Variants in ACACA observed in about 807,000 individuals in gnomAD.
The protein encoded by ACACA is acetyl-CoA carboxylase 1.
Under a neutral mutation model 296.1 loss-of-function variants are expected in ACACA, and 103 were observed. That is an observed-to-expected ratio of 0.35 (90% CI 0.30 to 0.41). The LOEUF (loss-of-function observed/expected upper bound fraction) is 0.41, where lower values mean the gene tolerates loss of function less well. Ranked by LOEUF, ACACA falls within the 10% of genes least tolerant of loss-of-function variation. ACACA has a pLI of 1.00. For missense variants in ACACA, 1,554 were observed against 2,989.7 expected, an observed-to-expected ratio of 0.52 and a Z score of 11.20; for synonymous variants, 953 against 1,038.6, an observed-to-expected ratio of 0.92 and a Z score of 1.58.
At chr17:37,283,747 A>AG (rs1185589413) in intron 4 of ACACA, among the ~76,000 whole-genome samples, 4 of 152,250 alleles carry the variant, frequency 2.6e-5, no homozygotes, top group Non-Finnish European at 4.4e-5. Flanking sequence ...TTATGAAATC[A>AG]GGAATGGGGG....
At chr17:37,348,160 A>G (rs1030675545) in intron 1 of ACACA, among the ~76,000 whole-genome samples, 3 of 152,112 alleles carry the variant, frequency 2.0e-5, no homozygotes, top group Non-Finnish European at 4.4e-5. Flanking sequence ...CTCAAAAAAA[A>G]AAAAAAAATT....
At chr17:37,400,871 C>T (rs926309343) in intron 1 of ACACA, among the ~76,000 whole-genome samples, 1 of 152,168 alleles carries the variant, frequency 6.6e-6, no homozygotes, top group East Asian at 1.9e-4. Flanking sequence ...AGTACAGATA[C>T]CTTGACATGC....
At chr17:37,230,387 AAAATAAAT>A (rs200006134) in intron 25 of ACACA, among the ~76,000 whole-genome samples, 4,781 of 144,338 alleles carry the variant, frequency 0.033, 155 homozygotes, top group East Asian at 0.11. Flanking sequence ...TCCATCTCAA[AAAATAAAT>A]AAATAAATAA....
chr17:37,101,086 G>GAAAAAAAAAAAAA (rs769214258), intron 52 of ACACA, among the ~76,000 whole-genome samples: 1 of 56,372 alleles, frequency 1.8e-5, no homozygotes. Context: ...GACTGTCTCA[G>GAAAAAAAAAAAAA]AAAAAAAAAA....
At chr17:37,205,729 G>A (rs761291650) in intron 33 of ACACA, 36 bp downstream of exon 33, 7 of 1,481,804 alleles carry the variant, frequency 4.7e-6, no homozygotes, top group Non-Finnish European at 6.6e-6. Flanking sequence ...CAGTAGAAAG[G>A]GGACATCACG....
chr17:37,296,618 A>G (rs2083345856), intron 3 of ACACA, among the ~76,000 whole-genome samples: 1 of 151,110 alleles, frequency 6.6e-6, no homozygotes, highest in Admixed American at 6.6e-5. Flanking sequence ...AGCCTATTTT[A>G]TAAGGGCACT....
intron 39 of ACACA, among the ~76,000 whole-genome samples, chr17:37,181,900 CAAAAAAAA>C (rs61045031): frequency 1.0e-3 from 23 of 22,236 alleles, no homozygotes; most frequent in Non-Finnish European, 1.4e-3. Context: ...ACTCTGTATC[CAAAAAAAA>C]AAAAAAAAAA....
At chr17:37,363,831 C>T (rs1045211276) in intron 1 of ACACA, among the ~76,000 whole-genome samples, 1 of 150,454 alleles carries the variant, frequency 6.6e-6, no homozygotes, top group Non-Finnish European at 1.5e-5. Flanking sequence ...AATAAAAATA[C>T]AAAATTTGCG....
chr17:37,240,557 T>C lies in ACACA; in HGVS notation c.3040A>G (p.Ser1014Gly). 1 of 1,612,496 alleles carries C rather than the reference T, an allele frequency of 6.2e-7. No individual in the cohort carries two copies. ...SIVQLVQRYR[S>G]GIRGHMKAVV... ...GCCTTCATGTGGCCTCGGATGCCAC[T>C]TCGGTACCTAGGCAAATAGAAAGTC... The change falls in exon 24 of 56, where the codon AGT becomes GGT. Residue 1014 changes from serine (S) to glycine (G), a missense_variant. Transcript: ENST00000616317.
At chr17:37,287,064 T>G (rs901170760) in intron 3 of ACACA, among the ~76,000 whole-genome samples, 6 of 152,230 alleles carry the variant, frequency 3.9e-5, no homozygotes, top group Non-Finnish European at 8.8e-5. Flanking sequence ...CCTTGACTGA[T>G]AGACCCTCCA....
At chr17:37,342,422 AAAAAAAAAAAAAAAAT>A (rs1161078735) in intron 1 of ACACA, among the ~76,000 whole-genome samples, 2 of 124,416 alleles carry the variant, frequency 1.6e-5, no homozygotes, top group African/African-American at 6.4e-5. Flanking sequence ...AAAAAAAAAA[AAAAAAAAAAAAAAAAT>A]ATATATATAT....
intron 2 of ACACA, among the ~76,000 whole-genome samples, chr17:37,334,952 A>G (rs1029017516): frequency 6.6e-6 from 1 of 152,146 alleles, no homozygotes; most frequent in Admixed American, 6.5e-5. Flanking sequence ...TTGGACAGGA[A>G]AAACGATTAA....
At chr17:37,203,086 C>T (rs1220089072) in intron 33 of ACACA, among the ~76,000 whole-genome samples, 4 of 151,834 alleles carry the variant, frequency 2.6e-5, no homozygotes, top group African/African-American at 4.8e-5. Flanking sequence ...CTTAGCCACC[C>T]GAGTAGCTGG....
intron 24 of ACACA, among the ~76,000 whole-genome samples, chr17:37,239,280 C>A (rs1185895450): frequency 1.3e-5 from 2 of 152,118 alleles, no homozygotes; most frequent in African/African-American, 2.4e-5. Flanking sequence ...TCCTTTGAGG[C>A]TTTCTAAAGA....
chr17:37,285,920 C>A (rs2082746252), intron 3 of ACACA, among the ~76,000 whole-genome samples: 2 of 152,090 alleles, frequency 1.3e-5, no homozygotes, highest in Non-Finnish European at 2.9e-5. Context: ...GAGCCAGAGT[C>A]TCACTCTGTC....
At chr17:37,205,518 T>C (rs1254145063) in intron 33 of ACACA, among the ~76,000 whole-genome samples, 2 of 152,134 alleles carry the variant, frequency 1.3e-5, no homozygotes. Context: ...CTGGGAGAGA[T>C]TTAGGAAGAT....
At chr17:37,208,525 CA>C (rs1175712980) in intron 30 of ACACA, among the ~76,000 whole-genome samples, 3 of 151,650 alleles carry the variant, frequency 2.0e-5, no homozygotes, top group Non-Finnish European at 4.4e-5. Flanking sequence ...ACTTCTATAC[CA>C]AAACAAAAAA....
At chr17:37,375,431 G>A (rs564356185) in intron 1 of ACACA, among the ~76,000 whole-genome samples, 35 of 152,196 alleles carry the variant, frequency 2.3e-4, no homozygotes, top group African/African-American at 8.2e-4. Context: ...AGCTTGCAGT[G>A]AGCCGAGATC....
At chr17:37,254,467 T>C (rs146391771) in intron 14 of ACACA, among the ~76,000 whole-genome samples, 2 of 152,240 alleles carry the variant, frequency 1.3e-5, no homozygotes, top group African/African-American at 4.8e-5. Context: ...TGGGATACCT[T>C]CCCAGAACCC....
Sources: allele counts gnomAD v4.1 joint callset (sites outside exome capture counted in the v4.1 genomes callset), GRCh38; gene constraint gnomAD v4.1.1; transcripts MANE v1.5; gene names NCBI Gene and HGNC (gene_info 2026-07-23, HGNC 2026-07-21).